GALNT7: variants seen among roughly 807,000 people sequenced by gnomAD.
GALNT7 encodes the protein N-acetylgalactosaminyltransferase 7.
Under a neutral mutation model 82.1 loss-of-function variants are expected in GALNT7, and 60 were observed. The observed-to-expected ratio is 0.73, with a 90% CI of 0.59 to 0.91. GALNT7 has a LOEUF of 0.91. Among genes scored for constraint, GALNT7 ranks in the 40% least tolerant of loss-of-function variants. GALNT7 has a pLI of 0.00. For synonymous variants in GALNT7, 243 were observed against 275.1 expected (o/e 0.88, Z 1.15); for missense variants, 660 against 804.2 (o/e 0.82, Z 2.17).
At chr4:173,179,994 C>G (rs1732192074) in intron 1 of GALNT7, among the ~76,000 whole-genome samples, 1 of 152,082 alleles carries the variant, frequency 6.6e-6, no homozygotes, top group Admixed American at 6.5e-5. Context: ...CCTTACAACC[C>G]TAGCATAAAT....
intron 1 of GALNT7, among the ~76,000 whole-genome samples, chr4:173,217,039 A>G (rs1029231786): frequency 1.3e-5 from 2 of 151,892 alleles, no homozygotes; most frequent in Middle Eastern, 3.4e-3. Flanking sequence ...CCCTTATTAT[A>G]TATTTTTATA....
chr4:173,219,888 A>T (rs1415116775), intron 1 of GALNT7, among the ~76,000 whole-genome samples: 1 of 152,034 alleles, frequency 6.6e-6, no homozygotes, highest in African/African-American at 2.4e-5. Context: ...GATTCTGGAT[A>T]TTAGTCCTTT....
intron 1 of GALNT7, among the ~76,000 whole-genome samples, chr4:173,246,100 C>G (rs1734623512): frequency 1.3e-5 from 2 of 152,156 alleles, no homozygotes; most frequent in Non-Finnish European, 2.9e-5. Context: ...ACTCAACTTT[C>G]CAGCTTATCT....
At chr4:173,319,481 G>A (rs1480442426) in intron 11 of GALNT7, among the ~76,000 whole-genome samples, 1 of 151,878 alleles carries the variant, frequency 6.6e-6, no homozygotes, top group Non-Finnish European at 1.5e-5. Context: ...AAGTTAGGAA[G>A]GAGAAGAATA....
At chr4:173,213,735 T>G (rs886728873) in intron 1 of GALNT7, among the ~76,000 whole-genome samples, 19 of 152,164 alleles carry the variant, frequency 1.2e-4, no homozygotes, top group Non-Finnish European at 2.6e-4. Context: ...AATTAAAGAT[T>G]AAGTCACAAA....
chr4:173,295,125 A>C (rs889737126), intron 3 of GALNT7, among the ~76,000 whole-genome samples: 3 of 152,250 alleles, frequency 2.0e-5, no homozygotes, highest in Non-Finnish European at 2.9e-5. Context: ...AAAAATTTTA[A>C]TATGTCTTAA....
chr4:173,310,557 T>A (rs1737344523), intron 8 of GALNT7, among the ~76,000 whole-genome samples: 1 of 152,214 alleles, frequency 6.6e-6, no homozygotes, highest in Non-Finnish European at 1.5e-5. Context: ...ATGGTTGTCA[T>A]CTCAAGGGTA....
In GALNT7 at chr4:173,321,938, T is replaced by A. The variant is rs372990613; in HGVS notation, c.*221T>A. 1 of 402,538 alleles carries A rather than the reference T, an allele frequency of 2.5e-6. No individual in the cohort carries two copies. The highest frequency in any genetic ancestry group is 3.9e-5 in the East Asian group (1 of 25,928). 24.9% of individuals were successfully genotyped at this position (402,538 alleles called of 1,614,324 possible). ...CTGCTTTTACCTTAAACTTTGTAGA[T>A]GTTTACATCTTTTTGTTGTGTTTTA... is the stretch of plus-strand genomic sequence containing the variant. On this transcript the variant is annotated 3_prime_UTR_variant, in exon 12 of 12. Coordinates refer to ENST00000265000, the MANE Select transcript of GALNT7 (RefSeq NM_017423.3).
At chr4:173,180,572 C>A (rs527889879) in intron 1 of GALNT7, among the ~76,000 whole-genome samples, 84 of 152,326 alleles carry the variant, frequency 5.5e-4, no homozygotes, top group South Asian at 2.7e-3. Context: ...AGGTGATCCG[C>A]CTGCCTTGGT....
At position 173,231,512 on chromosome 4, in the gene GALNT7, G is replaced by A. The variant is rs147016638; in HGVS notation, c.127-16468G>A. Among the ~76,000 whole-genome samples the A allele has an allele frequency of 3.0e-3, 455 of 152,242 alleles. 2 individuals are homozygous for A. Among genetic ancestry groups the A allele is most frequent in the African/African-American group, 0.01 (422 of 41,540 alleles). ...AACCTACATCAGTGGCTTACTGATT[G>A]TGTGACTTAATGATGTATGATCTCC... is the stretch of plus-strand genomic sequence containing the variant. On this transcript the variant is annotated intron_variant, in intron 1 of 11. Transcript: ENST00000265000.
intron 1 of GALNT7, among the ~76,000 whole-genome samples, chr4:173,205,004 C>G (rs1471858181): frequency 6.6e-6 from 1 of 152,212 alleles, no homozygotes; most frequent in Non-Finnish European, 1.5e-5. Flanking sequence ...AGATTCTGAG[C>G]AGGTCATCTG....
chr4:173,310,818 C>T (rs948861911), intron 8 of GALNT7, among the ~76,000 whole-genome samples: 4 of 152,128 alleles, frequency 2.6e-5, no homozygotes, highest in Non-Finnish European at 4.4e-5. Context: ...TCACTGCAAC[C>T]TCTGCCTCCC....
chr4:173,314,428 G>A (rs1040084229), intron 9 of GALNT7, among the ~76,000 whole-genome samples: 3 of 152,074 alleles, frequency 2.0e-5, no homozygotes, highest in Admixed American at 6.6e-5. Context: ...AGCTCCTGGC[G>A]CCTCCATGCC....
At chr4:173,178,048 T>TGCGCGCGCGC (rs566263598) in intron 1 of GALNT7, among the ~76,000 whole-genome samples, 9 of 113,698 alleles carry the variant, frequency 7.9e-5, no homozygotes, top group Admixed American at 2.5e-4. Flanking sequence ...TGTGTGTGTG[T>TGCGCGCGCGC]GTGTGCGCGC....
rs73872515 is a variant in GALNT7 at position 173,268,209 on chromosome 4, A to C, written c.587+19769A>C. 1,521 of 154,350 alleles carry C rather than the reference A, an allele frequency of 9.9e-3. 23 individuals carry two copies. Among genetic ancestry groups the C allele is most frequent in the African/African-American group, 0.035 (1,440 of 41,482 alleles). 9.6% of individuals were successfully genotyped at this position (154,350 alleles called of 1,614,324 possible). ...TTTTTGCAATTTTTTAATGACAAAAACCACAATTACTTTTGCACCAACCTA... is the reference window on the plus strand; with the variant it reads ...TTTTTGCAATTTTTTAATGACAAAACCCACAATTACTTTTGCACCAACCTA... On this transcript the variant is annotated intron_variant, in intron 2 of 11. Coordinates refer to ENST00000265000, the MANE Select transcript of GALNT7 (RefSeq NM_017423.3).
intron 8 of GALNT7, among the ~76,000 whole-genome samples, chr4:173,304,923 T>C (rs1340776055): frequency 1.3e-5 from 2 of 152,156 alleles, no homozygotes; most frequent in African/African-American, 2.4e-5. Flanking sequence ...CATTCATCTG[T>C]TGATGGACAC....
chr4:173,298,318 A>G (rs779140177), intron 6 of GALNT7, 21 bp downstream of exon 6: 3 of 1,508,980 alleles, frequency 2.0e-6, no homozygotes, highest in Admixed American at 4.7e-5. Context: ...AATCACTTAC[A>G]TATTTTTCTT....
chr4:173,231,231 T>G (rs977434187), intron 1 of GALNT7, among the ~76,000 whole-genome samples: 2 of 152,170 alleles, frequency 1.3e-5, no homozygotes, highest in African/African-American at 4.8e-5. Context: ...GACAGGCAGA[T>G]CTCATTGTGC....
chr4:173,212,820 C>T (rs187611581), intron 1 of GALNT7, among the ~76,000 whole-genome samples: 4 of 152,158 alleles, frequency 2.6e-5, no homozygotes, highest in African/African-American at 7.2e-5. Flanking sequence ...TGTTTCCTTC[C>T]GTGTGTCTAA....
Sources: allele counts gnomAD v4.1 joint callset (sites outside exome capture counted in the v4.1 genomes callset), GRCh38; gene constraint gnomAD v4.1.1; transcripts MANE v1.5; gene names NCBI Gene and HGNC (gene_info 2026-07-23, HGNC 2026-07-21).